Variants in MEST observed in about 807,000 individuals in gnomAD.
MEST encodes mesoderm specific transcript.
In MEST, 18 loss-of-function variants were observed where a neutral mutation model predicts 50.9. The ratio of observed to expected loss-of-function variants is 0.35; its 90% CI spans 0.24 to 0.52. The LOEUF is 0.52. MEST is among the 20% of genes least tolerant of loss of function. The pLI is 0.94. For missense variants in MEST, 282 were observed against 425.3 expected (o/e 0.66, Z 2.96); for synonymous variants, 130 against 154.1 (o/e 0.84, Z 1.16).
Position 130,506,173 on chromosome 7 carries a change from A to G in MEST, c.*1117A>G, listed in dbSNP as rs1799471075. ...AGCCACATTTCATTGTCTTAGTCAA[A>G]GCAGGATTATTAAGTGATTATTTAA... On this transcript the variant is annotated 3_prime_UTR_variant, in exon 12 of 12. Coordinates refer to ENST00000223215, the MANE Select transcript of MEST (RefSeq NM_002402.4). 6.6e-6 allele frequency: 1 copy of G among 152,630 alleles called. No homozygotes were observed. Among genetic ancestry groups the G allele is most frequent in the African/African-American group, 2.4e-5 (1 of 41,452 alleles). The allele number at this position is 152,630 out of a possible 1,614,324, so 9.5% of individuals were successfully genotyped here. A position where few individuals can be genotyped will look rare whatever the true frequency, so the allele number is the denominator to read the frequency against.
rs1799226191 is a variant in MEST at position 130,500,289 on chromosome 7, AG to A, written c.577-172del. Among the ~76,000 whole-genome samples the A allele has an allele frequency of 6.6e-6, 1 of 152,256 alleles. No individual in the cohort carries two copies. The highest frequency in any genetic ancestry group is 2.4e-5 in the African/African-American group (1 of 41,472). On this transcript the variant is annotated intron_variant, in intron 7 of 11. Transcript: ENST00000223215. This position sits in a 1 kb window ranked among gnomAD's most constrained non-coding sequence, Gnocchi z 5.0. Reference sequence around the variant, plus strand: ...AGTAATCTTAGATGGAATTAGAAATAGATTTGTCTTCCTTGAGAGAAGAATG... The same window carrying A: ...AGTAATCTTAGATGGAATTAGAAATAATTTGTCTTCCTTGAGAGAAGAATG...
rs568615309 is a variant in MEST, at chr7:130,500,317, G to A, written c.577-145G>A. On this transcript the variant is annotated intron_variant, in intron 7 of 11. Transcript: ENST00000223215. The surrounding 1 kb of genome is among the most constrained non-coding windows in gnomAD (Gnocchi z 5.0). ...TTTGTCTTCCTTGAGAGAAGAATGC[G>A]GGTAGGCAAAACAAAATGCCAAGTA... 14 of 637,712 alleles carry A rather than the reference G, an allele frequency of 2.2e-5. No individual in the cohort carries two copies. Among genetic ancestry groups the A allele is most frequent in the African/African-American group, 5.5e-5 (3 of 54,382 alleles). The allele number at this position is 637,712 out of a possible 1,614,324, so 39.5% of individuals were successfully genotyped here.
Position 130,499,863 on chromosome 7 carries a change from T to C in MEST, c.536-12T>C. On this transcript the variant is annotated splice_polypyrimidine_tract_variant and intron_variant, in intron 6 of 11. Coordinates refer to ENST00000223215, the MANE Select transcript of MEST (RefSeq NM_002402.4). ...GCTGTAGGTAAATGACTAAGATAAGTCTCTTCTACAGGTATCTTTCCTGAG... is the reference window on the plus strand; with the variant it reads ...GCTGTAGGTAAATGACTAAGATAAGCCTCTTCTACAGGTATCTTTCCTGAG... 1.2e-6 allele frequency: 2 copies of C among 1,600,592 alleles called. No homozygotes were observed. The highest frequency in any genetic ancestry group is 1.7e-6 in the Non-Finnish European group (2 of 1,175,700).
intron 10 of MEST, 113 bp downstream of exon 10, chr7:130,502,833 CCA>C (rs1554438868): frequency 1.4e-6 from 1 of 706,728 alleles, no homozygotes; most frequent in Non-Finnish European, 2.3e-6. Context: ...TATAAGATAC[CCA>C]GTTAAATTTG....
At chr7:130,504,052 A>G (rs571740884) in intron 11 of MEST, 56 bp downstream of exon 11, 1 of 1,435,524 alleles carries the variant, frequency 7.0e-7, no homozygotes, top group African/African-American at 1.4e-5. Context: ...TGACAGTGGT[A>G]AACAGAATTG....
At chr7:130,504,899 C>T in intron 11 of MEST, 40 bp from the exon 12 acceptor site, 1 of 1,530,066 alleles carries the variant, frequency 6.5e-7, no homozygotes, top group Non-Finnish European at 9.1e-7. Context: ...CCCTCCCGCT[C>T]CAGCCTCAAG....
rs1425242499 is a variant in MEST at position 130,498,396 on chromosome 7, G to T, written c.477-23G>T. The T allele has an allele frequency of 5.6e-6, 9 of 1,613,866 alleles. No individual in the cohort carries two copies. The East Asian group carries it at 2.0e-4, about 36-fold the overall frequency. On this transcript the variant is annotated intron_variant, in intron 5 of 11. Coordinates refer to ENST00000223215, the MANE Select transcript of MEST (RefSeq NM_002402.4). ...GGTTTAAGTTTGCTCAGCTACATGT[G>T]TGTTTCCTCGTCTCCCTTCTAGGTA...
chr7:130,504,555 C>T (rs1472445151), intron 11 of MEST, among the ~76,000 whole-genome samples: 2 of 152,142 alleles, frequency 1.3e-5, no homozygotes, highest in Admixed American at 1.3e-4. Flanking sequence ...AAATAAAATA[C>T]CCCCTCTCTC....
intron 2 of MEST, chr7:130,496,866 G>A: frequency 4.4e-6 from 1 of 227,806 alleles, no homozygotes; most frequent in Admixed American, 5.7e-5. Flanking sequence ...AGAACAAAAG[G>A]AGAAATGGGG....
In MEST at chr7:130,492,446, G is replaced by A. The variant is rs539637697; in HGVS notation, c.26+107G>A. The A allele has an allele frequency of 1.4e-5, 14 of 1,017,710 alleles. No individual in the cohort carries two copies. In the East Asian group the frequency reaches 2.3e-4, roughly 17 times the overall value. 63.0% of individuals were successfully genotyped at this position (1,017,710 alleles called of 1,614,324 possible). On this transcript the variant is annotated intron_variant, in intron 1 of 11. Coordinates refer to ENST00000223215, the MANE Select transcript of MEST (RefSeq NM_002402.4). The surrounding 1 kb of genome is among the most constrained non-coding windows in gnomAD (Gnocchi z 7.6). Reference sequence around the variant, plus strand: ...GTCCGAGCTGGGGCTGCCTCTGGGCGAAAACTCTACCGACAGGCGGCACGC... The same window carrying A: ...GTCCGAGCTGGGGCTGCCTCTGGGCAAAAACTCTACCGACAGGCGGCACGC...
chr7:130,495,086 G>C (rs1798991133), intron 1 of MEST, among the ~76,000 whole-genome samples: 1 of 152,168 alleles, frequency 6.6e-6, no homozygotes, highest in Non-Finnish European at 1.5e-5. Flanking sequence ...AAGACCACAA[G>C]GGTAGGGGCT....
upstream of MEST, chr7:130,487,099 G>GA (rs201085778): frequency 0.02 from 2,602 of 132,892 alleles, 30 homozygotes; most frequent in Admixed American, 0.024. Flanking sequence ...GTAGTAACAG[G>GA]AAAAAAAAAA....
At chr7:130,488,599 C>G (rs1451038169), upstream of MEST, 1 of 152,224 alleles carries the variant, frequency 6.6e-6, no homozygotes, top group Non-Finnish European at 1.5e-5. Flanking sequence ...TGCCGTATCT[C>G]TCTCTGAAAT....
chr7:130,497,510 T>C lies in MEST; in HGVS notation c.261+275T>C, dbSNP rs1380503600. 7.2e-6 allele frequency: 2 copies of C among 276,736 alleles called. No homozygotes were observed. The highest frequency in any genetic ancestry group is 4.5e-5 in the African/African-American group (2 of 44,712). 17.1% of individuals were successfully genotyped at this position (276,736 alleles called of 1,614,324 possible). On this transcript the variant is annotated intron_variant, in intron 3 of 11. Coordinates refer to ENST00000223215, the MANE Select transcript of MEST (RefSeq NM_002402.4). This position sits in a 1 kb window ranked among gnomAD's most constrained non-coding sequence, Gnocchi z 4.0. ...AGGCAGAGGTTGCAGTGAGCTGAGA[T>C]TGCACCACTGCACTTCAGCCTAGGT...
chr7:130,500,532 GGTAA>G lies in MEST; in HGVS notation c.647+3_647+6del, dbSNP rs1799236442. 1 of 1,612,618 alleles carries G rather than the reference GGTAA, an allele frequency of 6.2e-7. No individual in the cohort carries two copies. Among genetic ancestry groups the G allele is most frequent in the Non-Finnish European group, 8.5e-7 (1 of 1,179,266 alleles). On this transcript the variant is annotated splice_donor_variant and splice_donor_region_variant and intron_variant, in intron 8 of 11. Coordinates refer to ENST00000223215, the MANE Select transcript of MEST (RefSeq NM_002402.4). LOFTEE classifies it high-confidence loss of function. The surrounding 1 kb of genome is among the most constrained non-coding windows in gnomAD (Gnocchi z 5.0). ...ATGAACTTCTTTGTATTCTCTCGAG[GGTAA>G]GTGTCACTGTCAAAGATTGTGGCCT...
chr7:130,492,333 T>A lies in MEST; in HGVS notation c.20T>A (p.Leu7His). MVRRDRLRRMREWWVQV... is the reference protein window; with the variant it reads MVRRDRHRRMREWWVQV... The stretch of plus-strand genomic sequence containing the variant: ...GCGGCCATGGTGCGCCGAGATCGCC[T>A]CCGCAGGTGAGTGTGCGGTGGGAAC... Residue 7 changes from leucine (L) to histidine (H), a missense_variant, in exon 1 of 12, where the codon CTC becomes CAC. Coordinates refer to ENST00000223215, the MANE Select transcript of MEST (RefSeq NM_002402.4). This position sits in a 1 kb window ranked among gnomAD's most constrained non-coding sequence, Gnocchi z 7.6. The A allele has an allele frequency of 3.0e-6, 4 of 1,334,366 alleles. No homozygotes were observed. 82.7% of individuals were successfully genotyped at this position (1,334,366 alleles called of 1,614,324 possible). A position where few individuals can be genotyped will look rare whatever the true frequency, so the allele number is the denominator to read the frequency against.
Position 130,502,734 on chromosome 7 carries a change from T to A in MEST, c.826+14T>A. The A allele has an allele frequency of 6.3e-7, 1 of 1,597,858 alleles. No homozygotes were observed. The highest frequency in any genetic ancestry group is 8.6e-7 in the Non-Finnish European group (1 of 1,165,316). On this transcript the variant is annotated intron_variant, in intron 10 of 11. Transcript: ENST00000223215. ...TAACTATCCCCAGTGAGTATTTTTG[T>A]ATTATTGATAGGAAACTGAAGGACT...
At chr7:130,493,651 G>A (rs1185989769) in intron 1 of MEST, among the ~76,000 whole-genome samples, 1 of 152,098 alleles carries the variant, frequency 6.6e-6, no homozygotes, top group Non-Finnish European at 1.5e-5. Context: ...CCTGAGCAGC[G>A]GCGGGGAAGC....
intron 2 of MEST, chr7:130,496,121 G>C (rs781841752): frequency 2.1e-6 from 1 of 470,444 alleles, no homozygotes; most frequent in Non-Finnish European, 4.4e-6. Context: ...TGTTTTGAGC[G>C]GGGGTCAAGA....
Sources: gnomAD v4.1 joint callset for allele counts (sites outside exome capture counted in the v4.1 genomes callset) on GRCh38, gnomAD v4.1.1 for gene constraint, Gnocchi (gnomAD v3.1) non-coding constraint, MANE v1.5 for transcripts, NCBI Gene and HGNC (gene_info 2026-07-23, HGNC 2026-07-21) for gene names.